OPRM1: variants seen among roughly 807,000 people sequenced by gnomAD.
OPRM1 encodes mu-type opioid receptor.
Under a neutral mutation model 31.8 loss-of-function variants are expected in OPRM1, and 27 were observed. The observed-to-expected ratio is 0.85, with a 90% CI of 0.63 to 1.17. OPRM1 has a LOEUF of 1.17. OPRM1 is among the 50% of genes most tolerant of loss of function. OPRM1 has a pLI of 0.00. For missense variants in OPRM1, 536 were observed against 511.1 expected, an observed-to-expected ratio of 1.05 and a Z score of -0.47; for synonymous variants, 196 against 189.9, an observed-to-expected ratio of 1.03 and a Z score of -0.26.
At chr6:154,142,611 G>A (rs1369905795) in intron 3 of OPRM1, among the ~76,000 whole-genome samples, 6 of 152,140 alleles carry the variant, frequency 3.9e-5, no homozygotes, top group Admixed American at 6.6e-5. Context: ...GTCAAACGGG[G>A]CACTTGTCCT....
At chr6:154,053,795 C>T (rs1012418820) in intron 1 of OPRM1, among the ~76,000 whole-genome samples, 21 of 152,136 alleles carry the variant, frequency 1.4e-4, no homozygotes, top group African/African-American at 4.6e-4. Flanking sequence ...GGAAAAAGTT[C>T]GCAAGAAGAG....
chr6:154,158,379 A>T (rs553231511), intron 3 of OPRM1: 1 of 152,354 alleles, frequency 6.6e-6, no homozygotes, highest in South Asian at 2.1e-4. Flanking sequence ...TCTCTTTAAC[A>T]CAATGATTTC....
chr6:154,077,096 C>A (rs1311288864), intron 1 of OPRM1, among the ~76,000 whole-genome samples: 4 of 152,076 alleles, frequency 2.6e-5, no homozygotes, highest in African/African-American at 9.7e-5. Flanking sequence ...AGTCTTCATG[C>A]CAGTAATAAT....
chr6:154,055,306 T>C (rs1783030306), intron 1 of OPRM1, among the ~76,000 whole-genome samples: 1 of 152,066 alleles, frequency 6.6e-6, no homozygotes, highest in African/African-American at 2.4e-5. Context: ...GAGAATCGCT[T>C]GAACCTGAGA....
At chr6:154,109,513 A>G (rs1244219367) in intron 3 of OPRM1, among the ~76,000 whole-genome samples, 1 of 152,184 alleles carries the variant, frequency 6.6e-6, no homozygotes, top group Non-Finnish European at 1.5e-5. Context: ...CATGAAAAGG[A>G]CACTGAGATA....
chr6:154,229,095 G>A (rs1271497271), intron 3 of OPRM1, among the ~76,000 whole-genome samples: 2 of 152,126 alleles, frequency 1.3e-5, no homozygotes, highest in Admixed American at 6.5e-5. Context: ...CCAGCCCCAG[G>A]GGCGGCCCTC....
At chr6:154,100,188 C>CATATCATAATATATATTATATTATGACAT (rs1794555164) in intron 3 of OPRM1, among the ~76,000 whole-genome samples, 1 of 14,512 alleles carries the variant, frequency 6.9e-5, no homozygotes, top group Admixed American at 9.6e-4. Flanking sequence ...CATATTATGA[C>CATATCATAATATATATTATATTATGACAT]ATATCATAAT....
rs1323717408 is a variant in OPRM1, at chr6:154,039,770, C to A, written c.226C>A (p.Leu76Ile). Reference protein sequence around the residue: ...SMITAITIMALYSIVCVVGLF... With the variant: ...SMITAITIMAIYSIVCVVGLF... ...GATCACGGCCATCACGATCATGGCC[C>A]TCTACTCCATCGTGTGCGTGGTGGG... The change falls in exon 1 of 4, where the codon CTC becomes ATC. Residue 76 changes from leucine to isoleucine, a missense_variant. Transcript: ENST00000330432. 6.2e-7 allele frequency: 1 copy of A among 1,604,594 alleles called. No homozygotes were observed. Among genetic ancestry groups the A allele is most frequent in the Admixed American group, 1.7e-5 (1 of 60,014 alleles).
intron 1 of OPRM1, among the ~76,000 whole-genome samples, chr6:154,065,360 G>A (rs1785186720): frequency 6.6e-6 from 1 of 151,970 alleles, no homozygotes; most frequent in African/African-American, 2.4e-5. Context: ...ATGTTGGCCA[G>A]GATGGTCTCC....
intron 3 of OPRM1, among the ~76,000 whole-genome samples, chr6:154,224,850 C>G (rs1314556416): frequency 6.6e-6 from 1 of 152,124 alleles, no homozygotes; most frequent in Admixed American, 6.5e-5. Context: ...ATATATGCAG[C>G]TTCTCTCTTG....
At chr6:154,200,644 C>T (rs1053576795) in intron 3 of OPRM1, among the ~76,000 whole-genome samples, 2 of 152,110 alleles carry the variant, frequency 1.3e-5, no homozygotes, top group African/African-American at 4.8e-5. Context: ...TCACTTGAAC[C>T]TGGGAGGCAG....
At chr6:154,157,079 G>A (rs1001635459) in intron 3 of OPRM1, 2 of 152,304 alleles carry the variant, frequency 1.3e-5, no homozygotes, top group African/African-American at 4.8e-5. Context: ...TTTCAGAGAT[G>A]ACCCGGTCTC....
intron 1 of OPRM1, among the ~76,000 whole-genome samples, chr6:154,081,311 T>G (rs933430156): frequency 5.9e-5 from 9 of 152,008 alleles, no homozygotes; most frequent in Non-Finnish European, 2.9e-5. Context: ...AGACCATCCT[T>G]GCTAACACAG....
At chr6:154,159,311 C>A (rs1798838291) in intron 3 of OPRM1, 1 of 163,168 alleles carries the variant, frequency 6.1e-6, no homozygotes. Context: ...CCATTCCATA[C>A]CAAAGGCAAG....
In OPRM1 at chr6:154,130,569, A is replaced by C. The variant is rs1405870492; in HGVS notation, c.*11848A>C. 6.6e-6 allele frequency among the ~76,000 whole-genome samples: 1 copy of C among 152,136 alleles called. No homozygotes were observed. Among genetic ancestry groups the C allele is most frequent in the East Asian group, 1.9e-4 (1 of 5,196 alleles). ...AAAAATTTCTGTGTTAGGCATAGCTATATGAATATTTGCCTATAAATCCCC... is the reference window on the plus strand; with the variant it reads ...AAAAATTTCTGTGTTAGGCATAGCTCTATGAATATTTGCCTATAAATCCCC... On this transcript the variant is annotated 3_prime_UTR_variant, in exon 4 of 4. Coordinates refer to ENST00000330432, the MANE Select transcript of OPRM1 (RefSeq NM_000914.5).
At chr6:154,100,053 TATG>T (rs1395822455) in intron 3 of OPRM1, among the ~76,000 whole-genome samples, 1 of 133,838 alleles carries the variant, frequency 7.5e-6, no homozygotes, top group African/African-American at 2.8e-5. Flanking sequence ...ATATATATCA[TATG>T]ATATATATCA....
At chr6:154,140,568 G>C (rs1186189426) in intron 3 of OPRM1, among the ~76,000 whole-genome samples, 1 of 152,094 alleles carries the variant, frequency 6.6e-6, no homozygotes, top group Non-Finnish European at 1.5e-5. Context: ...GACTTCAGGT[G>C]ATCCGCCCGC....
chr6:154,054,977 A>T (rs1486637094), intron 1 of OPRM1, among the ~76,000 whole-genome samples: 1 of 152,346 alleles, frequency 6.6e-6, no homozygotes, highest in East Asian at 1.9e-4. Flanking sequence ...AACCTACTTG[A>T]ATCTCATTAG....
At chr6:154,107,407 GGAGAA>G in intron 3 of OPRM1, 1 of 715,266 alleles carries the variant, frequency 1.4e-6, no homozygotes, top group South Asian at 1.5e-5. Context: ...AGTCCGCAGA[GGAGAA>G]GAGAATAGAC....
Sources: gnomAD v4.1 joint callset for allele counts (sites outside exome capture counted in the v4.1 genomes callset) on GRCh38, gnomAD v4.1.1 for gene constraint, MANE v1.5 for transcripts, NCBI Gene and HGNC (gene_info 2026-07-23, HGNC 2026-07-21) for gene names.